ADGRD1: variants seen among roughly 807,000 people sequenced by gnomAD.
ADGRD1 encodes the protein G-protein coupled receptor 133.
ADGRD1 carries 77 observed loss-of-function variants against 113.4 expected under a neutral mutation model. The observed-to-expected ratio is 0.68, with a 90% CI of 0.57 to 0.82. The LOEUF (loss-of-function observed/expected upper bound fraction) is 0.82, where lower values mean the gene tolerates loss of function less well. Among genes scored for constraint, ADGRD1 ranks in the 40% least tolerant of loss-of-function variants. The pLI is 0.00. For synonymous variants in ADGRD1, 474 were observed against 475.0 expected (o/e 1.00, Z 0.03); for missense variants, 1,036 against 1,139.1 (o/e 0.91, Z 1.30).
At position 131,096,679 on chromosome 12, in the gene ADGRD1, G is replaced by A. The variant is rs534241096; in HGVS notation, c.1672-8152G>A. On this transcript the variant is annotated intron_variant, in intron 15 of 24. Transcript: ENST00000261654. The surrounding 1 kb of genome is among the most constrained non-coding windows in gnomAD (Gnocchi z 5.2). The stretch of plus-strand genomic sequence containing the variant: ...GGATGGGTTCCCGTGGGGCACTGCC[G>A]GTCCAGTTTTATATCCCGCCTCCAT... Among the ~76,000 whole-genome samples, 11 of 151,332 alleles carry A rather than the reference G, an allele frequency of 7.3e-5. No individual in the cohort carries two copies. Among genetic ancestry groups the A allele is most frequent in the East Asian group, 1.9e-4 (1 of 5,138 alleles).
At chr12:131,074,812 G>A (rs1298108288) in intron 13 of ADGRD1, among the ~76,000 whole-genome samples, 2 of 152,188 alleles carry the variant, frequency 1.3e-5, no homozygotes, top group East Asian at 1.9e-4. Flanking sequence ...GTTTCAGGGC[G>A]TGATCTTGGC....
chr12:131,091,018 C>T (rs921855297), intron 15 of ADGRD1, among the ~76,000 whole-genome samples: 9 of 152,134 alleles, frequency 5.9e-5, no homozygotes, highest in African/African-American at 1.7e-4. Context: ...AGCAGGGGAA[C>T]GAACCCCTGG....
intron 15 of ADGRD1, among the ~76,000 whole-genome samples, chr12:131,087,210 T>C (rs1886529000): frequency 6.6e-6 from 1 of 152,242 alleles, no homozygotes; most frequent in Admixed American, 6.5e-5. Flanking sequence ...AGCTTTTTTA[T>C]GTGCATGTAT....
At chr12:131,040,090 A>T (rs552339724) in intron 13 of ADGRD1, among the ~76,000 whole-genome samples, 97 of 152,250 alleles carry the variant, frequency 6.4e-4, no homozygotes, top group African/African-American at 2.2e-3. Context: ...TAGGAGCCTG[A>T]GTTTGAGACC....
intron 22 of ADGRD1, 63 bp from the exon 23 acceptor site, chr12:131,136,910 C>T: frequency 7.7e-7 from 1 of 1,303,594 alleles, no homozygotes; most frequent in Non-Finnish European, 1.1e-6. Context: ...TGGGAGGAAC[C>T]TCCAGTGTTC....
At chr12:131,004,131 C>T in intron 10 of ADGRD1, 55 bp from the exon 11 acceptor site, 1 of 1,124,206 alleles carries the variant, frequency 8.9e-7, no homozygotes, top group Non-Finnish European at 1.4e-6. Flanking sequence ...AGTCTGATTT[C>T]CTGCAGCCTG....
intron 13 of ADGRD1, among the ~76,000 whole-genome samples, chr12:131,045,142 C>T (rs951661546): frequency 6.6e-6 from 1 of 152,228 alleles, no homozygotes; most frequent in East Asian, 1.9e-4. Context: ...CCACACCACC[C>T]GCGGGCGCAT....
chr12:131,055,335 A>G (rs1883763332), intron 13 of ADGRD1, among the ~76,000 whole-genome samples: 2 of 151,988 alleles, frequency 1.3e-5, no homozygotes, highest in Admixed American at 6.5e-5. Context: ...GATTCAGTTG[A>G]TTCTTCTCCC....
At chr12:131,037,602 C>T (rs76132873) in intron 13 of ADGRD1, among the ~76,000 whole-genome samples, 17 of 13,078 alleles carry the variant, frequency 1.3e-3, no homozygotes, top group African/African-American at 6.0e-3. Flanking sequence ...CTCACTGCAC[C>T]GGGTCTCACT....
intron 13 of ADGRD1, among the ~76,000 whole-genome samples, chr12:131,053,807 G>T (rs1407603528): frequency 6.6e-6 from 1 of 152,184 alleles, no homozygotes; most frequent in Non-Finnish European, 1.5e-5. Flanking sequence ...AAACACTTCA[G>T]TTTTGCTGAT....
intron 18 of ADGRD1, among the ~76,000 whole-genome samples, chr12:131,114,613 G>T (rs1179768295): frequency 3.9e-5 from 6 of 152,216 alleles, no homozygotes; most frequent in Non-Finnish European, 5.9e-5. Flanking sequence ...TAATTAAGGA[G>T]CTGGAGGCCC....
intron 15 of ADGRD1, among the ~76,000 whole-genome samples, chr12:131,101,706 A>T (rs1950093486): frequency 6.6e-6 from 1 of 152,036 alleles, no homozygotes. Flanking sequence ...AACTGAATTC[A>T]GTTTGGTAAC....
At position 130,954,840 on chromosome 12, in the gene ADGRD1, C is replaced by T. The variant is rs1253366374; in HGVS notation, c.103+180C>T. Among the ~76,000 whole-genome samples, 1 of 152,212 alleles carries T rather than the reference C, an allele frequency of 6.6e-6. No homozygotes were observed. The highest frequency in any genetic ancestry group is 1.5e-5 in the Non-Finnish European group (1 of 68,044). On this transcript the variant is annotated intron_variant, in intron 2 of 24. Coordinates refer to ENST00000261654, the MANE Select transcript of ADGRD1 (RefSeq NM_198827.5). This position sits in a 1 kb window ranked among gnomAD's most constrained non-coding sequence, Gnocchi z 4.7. ...CCTGGGCAGCTCTGCTACCCCTCAC[C>T]GGCTGAGCGGTGGATGGAGAAGTGG...
At chr12:131,120,559 T>C in intron 19 of ADGRD1, 1 of 511,136 alleles carries the variant, frequency 2.0e-6, no homozygotes, top group Non-Finnish European at 3.5e-6. Flanking sequence ...GGAAAGCCAG[T>C]CCCCAGCAAA....
intron 15 of ADGRD1, among the ~76,000 whole-genome samples, chr12:131,097,115 C>T (rs1380212357): frequency 6.6e-6 from 1 of 152,210 alleles, no homozygotes; most frequent in African/African-American, 2.4e-5. Flanking sequence ...TTTCTCTCCC[C>T]TCCCGAGGGT....
chr12:131,076,768 G>C (rs781776056), intron 13 of ADGRD1, 33 bp from the exon 14 acceptor site: 2 of 1,597,920 alleles, frequency 1.3e-6, no homozygotes, highest in Non-Finnish European at 1.7e-6. Flanking sequence ...CTTCAGCAGC[G>C]TCATGCATCG....
intron 13 of ADGRD1, among the ~76,000 whole-genome samples, chr12:131,015,613 TGGAGATGGAGTTGGA>T (rs368117372): frequency 3.0e-3 from 428 of 143,080 alleles, no homozygotes; most frequent in African/African-American, 0.011. Flanking sequence ...GAGTTGGAGA[TGGAGATGGAGTTGGA>T]GATGGAGATG....
At position 131,084,843 on chromosome 12, in the gene ADGRD1, T is replaced by C. The variant is rs569329583; in HGVS notation, c.1671+180T>C. On this transcript the variant is annotated intron_variant, in intron 15 of 24. Coordinates refer to ENST00000261654, the MANE Select transcript of ADGRD1 (RefSeq NM_198827.5). This position sits in a 1 kb window ranked among gnomAD's most constrained non-coding sequence, Gnocchi z 4.5. The stretch of plus-strand genomic sequence containing the variant: ...TCTGTAGTCCAGGGTCCTGCATGTA[T>C]TGGGTGCCAGCAAATATCCGAGGAG... Among the ~76,000 whole-genome samples the C allele has an allele frequency of 6.6e-6, 1 of 152,300 alleles. No homozygotes were observed. The highest frequency in any genetic ancestry group is 6.5e-5 in the Admixed American group (1 of 15,310).
chr12:131,068,388 G>T (rs1368553291), intron 13 of ADGRD1, among the ~76,000 whole-genome samples: 1 of 152,172 alleles, frequency 6.6e-6, no homozygotes, highest in Non-Finnish European at 1.5e-5. Flanking sequence ...TACTAGGAAT[G>T]AAAGAATGTT....
Sources: allele counts gnomAD v4.1 joint callset (sites outside exome capture counted in the v4.1 genomes callset), GRCh38; gene constraint gnomAD v4.1.1; non-coding constraint Gnocchi (gnomAD v3.1); transcripts MANE v1.5; gene names NCBI Gene and HGNC (gene_info 2026-07-23, HGNC 2026-07-21).